LARGE1: variants seen among roughly 807,000 people sequenced by gnomAD.
LARGE1 encodes LARGE xylosyl- and glucuronyltransferase 1.
In LARGE1, 43 loss-of-function variants were observed where a neutral mutation model predicts 87.6. That is an observed-to-expected ratio of 0.49 (90% CI 0.38 to 0.63). The LOEUF (loss-of-function observed/expected upper bound fraction) is 0.63, where lower values mean the gene tolerates loss of function less well. LARGE1 is among the 30% of genes least tolerant of loss of function. LARGE1 has a pLI of 0.00. For missense variants in LARGE1, 802 were observed against 1,000.2 expected, an observed-to-expected ratio of 0.80 and a Z score of 2.67; for synonymous variants, 434 against 394.6, an observed-to-expected ratio of 1.10 and a Z score of -1.18.
chr22:33,620,777 C>A (rs1017378362), intron 4 of LARGE1, among the ~76,000 whole-genome samples: 6 of 152,072 alleles, frequency 3.9e-5, no homozygotes, highest in African/African-American at 1.4e-4. Context: ...ATTAGCCGGG[C>A]GTGGTGGTGC....
At chr22:33,584,373 C>T (rs1383528266) in intron 5 of LARGE1, among the ~76,000 whole-genome samples, 3 of 152,108 alleles carry the variant, frequency 2.0e-5, no homozygotes, top group Non-Finnish European at 4.4e-5. Context: ...TCACAGTGGC[C>T]CCCAAGGCTC....
chr22:33,254,504 T>C (rs1270318504), intron 11 of LARGE1, among the ~76,000 whole-genome samples: 1 of 152,218 alleles, frequency 6.6e-6, no homozygotes, highest in Non-Finnish European at 1.5e-5. Context: ...ATGTGCTACA[T>C]ATCACTGTGG....
At chr22:33,444,389 A>C (rs2067606676) in intron 6 of LARGE1, among the ~76,000 whole-genome samples, 1 of 152,158 alleles carries the variant, frequency 6.6e-6, no homozygotes, top group Non-Finnish European at 1.5e-5. Context: ...TTCCCCTTAT[A>C]GTATTCCTTT....
At chr22:33,462,804 C>T (rs1274603113) in intron 6 of LARGE1, among the ~76,000 whole-genome samples, 1 of 151,706 alleles carries the variant, frequency 6.6e-6, no homozygotes, top group Non-Finnish European at 1.5e-5. Context: ...AATATATATA[C>T]CAACTGAAAA....
intron 5 of LARGE1, among the ~76,000 whole-genome samples, chr22:33,586,222 A>T (rs2078668430): frequency 6.6e-6 from 1 of 152,138 alleles, no homozygotes; most frequent in East Asian, 1.9e-4. Context: ...TTCCCAAAAG[A>T]CACCTCCAAA....
intron 6 of LARGE1, among the ~76,000 whole-genome samples, chr22:33,506,316 C>T (rs1269073764): frequency 6.6e-6 from 1 of 152,154 alleles, no homozygotes; most frequent in Non-Finnish European, 1.5e-5. Context: ...TCAATCCCAA[C>T]TCTGCACTAG....
At chr22:33,186,166 A>G in intron 11 of LARGE1, among the ~76,000 whole-genome samples, 1 of 152,212 alleles carries the variant, frequency 6.6e-6, no homozygotes, top group African/African-American at 2.4e-5. Flanking sequence ...TTTCCAATTC[A>G]TTTTATAATG....
At chr22:33,636,985 T>C (rs1172627220) in intron 3 of LARGE1, among the ~76,000 whole-genome samples, 2 of 152,240 alleles carry the variant, frequency 1.3e-5, no homozygotes, top group African/African-American at 4.8e-5. Flanking sequence ...ATCTAAGGTC[T>C]GAGCCCCAAA....
At chr22:33,870,234 C>T (rs1282744463) in intron 1 of LARGE1, among the ~76,000 whole-genome samples, 1 of 152,136 alleles carries the variant, frequency 6.6e-6, no homozygotes, top group Non-Finnish European at 1.5e-5. Flanking sequence ...AGAAGCTAGG[C>T]AGAGGCCAGG....
chr22:33,795,872 A>T (rs776752872), intron 1 of LARGE1, among the ~76,000 whole-genome samples: 6 of 152,024 alleles, frequency 3.9e-5, no homozygotes, highest in Non-Finnish European at 8.8e-5. Flanking sequence ...GGTGGGAGAG[A>T]TAGCATTAGG....
intron 2 of LARGE1, among the ~76,000 whole-genome samples, chr22:33,755,369 C>T (rs2084472570): frequency 6.6e-6 from 1 of 152,182 alleles, no homozygotes; most frequent in South Asian, 2.1e-4. Context: ...GGACTGCCTC[C>T]CTGACAATGG....
intron 7 of LARGE1, among the ~76,000 whole-genome samples, chr22:33,398,937 G>A (rs929656465): frequency 6.6e-6 from 1 of 152,094 alleles, no homozygotes; most frequent in Non-Finnish European, 1.5e-5. Flanking sequence ...CCTTCACATG[G>A]ACTTCTAGCC....
At chr22:33,389,873 A>G (rs1461949135) in intron 7 of LARGE1, among the ~76,000 whole-genome samples, 4 of 151,630 alleles carry the variant, frequency 2.6e-5, no homozygotes, top group Non-Finnish European at 5.9e-5. Context: ...CAACCAACCA[A>G]CCAACCAACC....
At chr22:33,149,365 T>C in the LARGE1 span, among the ~76,000 whole-genome samples, 3 of 152,146 alleles carry the variant, frequency 2.0e-5, no homozygotes, top group Non-Finnish European at 4.4e-5. Context: ...GTGTCTTTCA[T>C]GGAGTAAAAG....
chr22:33,783,811 C>T (rs141515470), intron 1 of LARGE1, among the ~76,000 whole-genome samples: 11 of 152,208 alleles, frequency 7.2e-5, no homozygotes, highest in African/African-American at 2.2e-4. Context: ...TGCTGCAGAA[C>T]GGGCTCTAAC....
At chr22:33,684,736 CG>C (rs1189170264) in intron 2 of LARGE1, among the ~76,000 whole-genome samples, 6 of 152,120 alleles carry the variant, frequency 3.9e-5, no homozygotes, top group Non-Finnish European at 5.9e-5. Context: ...AAGCTCATCC[CG>C]GGATGCCACC....
At chr22:33,423,233 C>T (rs2066758215) in intron 7 of LARGE1, among the ~76,000 whole-genome samples, 2 of 152,194 alleles carry the variant, frequency 1.3e-5, no homozygotes, top group African/African-American at 4.8e-5. Flanking sequence ...ATCCCAAATA[C>T]AGGCACAGAA....
chr22:33,139,845 C>T, the LARGE1 span, among the ~76,000 whole-genome samples: 1 of 152,198 alleles, frequency 6.6e-6, no homozygotes, highest in Non-Finnish European at 1.5e-5. Flanking sequence ...AAAGAAATGA[C>T]CTTTGTTTGT....
intron 11 of LARGE1, among the ~76,000 whole-genome samples, chr22:33,237,235 G>A (rs544210073): frequency 7.9e-5 from 12 of 152,222 alleles, no homozygotes; most frequent in Admixed American, 3.9e-4. Flanking sequence ...TGACTTTGCC[G>A]TGCATAAGTG....
Sources: allele counts gnomAD v4.1 joint callset (sites outside exome capture counted in the v4.1 genomes callset), GRCh38; gene constraint gnomAD v4.1.1; transcripts MANE v1.5; gene names NCBI Gene and HGNC (gene_info 2026-07-23, HGNC 2026-07-21).